Variants in RMST observed in about 807,000 individuals in gnomAD.
The protein encoded by RMST is rhabdomyosarcoma 2 associated transcript, also known as long intergenic non-protein coding RNA 54.
chr12:97,548,367 G>C (rs542607758), intron 11 of RMST, among the ~76,000 whole-genome samples: 1 of 152,010 alleles, frequency 6.6e-6, no homozygotes, highest in Non-Finnish European at 1.5e-5. Flanking sequence ...GATTGCTTTG[G>C]CTATTCACAG....
chr12:97,527,370 AC>A, intron 10 of RMST, among the ~76,000 whole-genome samples: 1 of 152,184 alleles, frequency 6.6e-6, no homozygotes, highest in East Asian at 1.9e-4. Context: ...ACCTTCAACA[AC>A]CCATTGTCAT....
chr12:97,476,988 A>G (rs1425752819), intron 5 of RMST, among the ~76,000 whole-genome samples: 2 of 152,196 alleles, frequency 1.3e-5, no homozygotes, highest in Non-Finnish European at 2.9e-5. Context: ...GGCTTCTTAT[A>G]GAATTCTAGA....
At chr12:97,474,624 CAAAAAAAAAA>C (rs34888626) in intron 5 of RMST, among the ~76,000 whole-genome samples, 1 of 55,800 alleles carries the variant, frequency 1.8e-5, no homozygotes, top group Non-Finnish European at 3.3e-5. Flanking sequence ...AAAAAGAAGC[CAAAAAAAAAA>C]AAAAAAAAAA....
In RMST at chr12:97,514,585, A is replaced by T. The variant is rs1035571426; in HGVS notation, n.1341-16070A>T. The stretch of plus-strand genomic sequence containing the variant: ...TCTTTAAATTTTCTGGATTTCGATT[A>T]GTTCATTCTGAACTGTTGACAAGCT... On this transcript the variant is annotated intron_variant and non_coding_transcript_variant, in intron 10 of 13. Coordinates refer to ENST00000640149, the Ensembl canonical transcript of RMST. 2.0e-5 allele frequency among the ~76,000 whole-genome samples: 3 copies of T among 152,012 alleles called. No individual in the cohort carries two copies. The East Asian group carries it at 5.8e-4, about 29-fold the overall frequency.
chr12:97,549,322 T>C (rs1010666063), intron 11 of RMST, among the ~76,000 whole-genome samples: 32 of 152,358 alleles, frequency 2.1e-4, no homozygotes, highest in African/African-American at 7.7e-4. Context: ...CAGAATCTTT[T>C]CTTTTATAGC....
At chr12:97,563,589 A>G (rs1318896114) in intron 13 of RMST, 1 of 334,726 alleles carries the variant, frequency 3.0e-6, no homozygotes, top group African/African-American at 2.2e-5. Context: ...GGTGAATTCA[A>G]TGGCTGAATG....
At chr12:97,519,323 A>G (rs1297237873) in intron 10 of RMST, among the ~76,000 whole-genome samples, 1 of 152,196 alleles carries the variant, frequency 6.6e-6, no homozygotes, top group Non-Finnish European at 1.5e-5. Flanking sequence ...CTGTACGTCA[A>G]TCCCAGGAAA....
intron 10 of RMST, among the ~76,000 whole-genome samples, chr12:97,512,561 G>A (rs1305035155): frequency 6.6e-6 from 1 of 152,184 alleles, no homozygotes; most frequent in Admixed American, 6.5e-5. Context: ...ACAGAGTGTT[G>A]ATTGGTGCAT....
At chr12:97,558,005 A>T (rs1244467985) in intron 11 of RMST, among the ~76,000 whole-genome samples, 1 of 152,146 alleles carries the variant, frequency 6.6e-6, no homozygotes, top group Non-Finnish European at 1.5e-5. Context: ...CATGGAAAGG[A>T]ATGAAACAAT....
chr12:97,537,551 A>G (rs561951971), intron 11 of RMST, among the ~76,000 whole-genome samples: 9 of 151,570 alleles, frequency 5.9e-5, no homozygotes, highest in African/African-American at 1.9e-4. Context: ...TTTTGCATAA[A>G]TGTGCCTAAT....
intron 10 of RMST, among the ~76,000 whole-genome samples, chr12:97,519,234 C>G (rs1040678872): frequency 1.3e-5 from 2 of 152,226 alleles, no homozygotes; most frequent in African/African-American, 2.4e-5. Flanking sequence ...GTCCCTTATA[C>G]ATAATGAACA....
At chr12:97,482,842 T>TA (rs1432360116) in intron 5 of RMST, among the ~76,000 whole-genome samples, 8 of 137,872 alleles carry the variant, frequency 5.8e-5, no homozygotes, top group South Asian at 4.7e-4. Flanking sequence ...AATAAATTTA[T>TA]TTATTTATTT....
rs989021178 is a variant in RMST at position 97,550,333 on chromosome 12, G to C, written n.1546-10204G>C. On this transcript the variant is annotated intron_variant and non_coding_transcript_variant, in intron 11 of 13. Coordinates refer to ENST00000640149, the Ensembl canonical transcript of RMST. ...CTTGAACCTGGGAGGCGGAGGTTGC[G>C]GTGAGCCAAGATCATGCCATCGCAC... 4.6e-5 allele frequency among the ~76,000 whole-genome samples: 7 copies of C among 151,856 alleles called. No individual in the cohort carries two copies. The East Asian group carries it at 1.4e-3, about 29-fold the overall frequency.
intron 11 of RMST, among the ~76,000 whole-genome samples, chr12:97,545,006 G>A (rs1452590030): frequency 6.6e-6 from 1 of 152,022 alleles, no homozygotes; most frequent in Non-Finnish European, 1.5e-5. Context: ...TATTCAATAC[G>A]TTGGAAGAGA....
In RMST at chr12:97,473,811, G is replaced by A. The variant is rs541600162; in HGVS notation, n.644+8084G>A. Among the ~76,000 whole-genome samples the A allele has an allele frequency of 1.4e-4, 21 of 152,180 alleles. 1 individual carries two copies. The South Asian group carries it at 4.1e-3, about 30-fold the overall frequency. On this transcript the variant is annotated intron_variant and non_coding_transcript_variant, in intron 5 of 13. Transcript: ENST00000640149. The stretch of plus-strand genomic sequence containing the variant: ...ATGCATGTTCATAATCATTTTCCAG[G>A]AAAGCCAAAGATTAGCAGGCCAAAA...
chr12:97,518,300 T>G (rs1488812940), intron 10 of RMST, among the ~76,000 whole-genome samples: 1 of 152,206 alleles, frequency 6.6e-6, no homozygotes. Flanking sequence ...TTGATATTTA[T>G]TTGGAGCAAA....
At chr12:97,513,006 T>C (rs1224369245) in intron 10 of RMST, among the ~76,000 whole-genome samples, 1 of 152,198 alleles carries the variant, frequency 6.6e-6, no homozygotes, top group Non-Finnish European at 1.5e-5. Context: ...CCTCACTGCC[T>C]GGGGCCTGCC....
intron 5 of RMST, among the ~76,000 whole-genome samples, chr12:97,484,853 T>G (rs2136432129): frequency 6.6e-6 from 1 of 152,318 alleles, no homozygotes; most frequent in South Asian, 2.1e-4. Flanking sequence ...TTTGACAGTC[T>G]CATCAATTAG....
At chr12:97,468,375 C>G (rs915255254) in intron 5 of RMST, among the ~76,000 whole-genome samples, 1 of 151,980 alleles carries the variant, frequency 6.6e-6, no homozygotes, top group South Asian at 2.1e-4. Context: ...CTCGTTACGT[C>G]CCTGAATCCT....
Sources: gnomAD v4.1 joint callset for allele counts (sites outside exome capture counted in the v4.1 genomes callset) on GRCh38, gnomAD v4.1.1 for gene constraint, MANE v1.5 for transcripts, NCBI Gene and HGNC (gene_info 2026-07-23, HGNC 2026-07-21) for gene names.